NUP205: variants seen among roughly 807,000 people sequenced by gnomAD.
NUP205 encodes nuclear pore complex protein Nup205.
Under a neutral mutation model 253.8 loss-of-function variants are expected in NUP205, and 76 were observed. The observed-to-expected ratio is 0.30, with a 90% CI of 0.25 to 0.36. The LOEUF (loss-of-function observed/expected upper bound fraction) is 0.36. Ranked by LOEUF, NUP205 falls within the 10% of genes least tolerant of loss-of-function variation. The probability of loss-of-function intolerance (pLI) is 1.00; values close to 1 mark genes in which losing one functional copy is unlikely to be tolerated. For synonymous variants in NUP205, 832 were observed against 850.1 expected (o/e 0.98, Z 0.37); for missense variants, 2,162 against 2,425.5 (o/e 0.89, Z 2.28).
At chr7:135,573,524 G>A (rs1806058670) in intron 2 of NUP205, 130 bp from the exon 3 acceptor site, 3 of 593,192 alleles carry the variant, frequency 5.1e-6, no homozygotes, top group Admixed American at 3.5e-5. Flanking sequence ...TTCTAAATTA[G>A]CTGATAAGAA....
rs1806630211 is a variant in NUP205, at chr7:135,591,569, C to T, written c.1593C>T (p.Phe531=). ...GGCCTCAGTGTGCCCACTACTGTTT[C>T]AGCCTGCTCAAAGTCAATGGTAGTA... ...ANGPQCAHYC[F]SLLKVNGSSH... Residue 531 remains phenylalanine (F), a synonymous_variant, in exon 11 of 43, where the codon TTC becomes TTT. Transcript: ENST00000285968. 3 of 1,613,516 alleles carry T rather than the reference C, an allele frequency of 1.9e-6. No homozygotes were observed. The highest frequency in any genetic ancestry group is 2.5e-6 in the Non-Finnish European group (3 of 1,179,908).
chr7:135,593,408 A>G (rs1035389161), intron 12 of NUP205, among the ~76,000 whole-genome samples: 5 of 152,208 alleles, frequency 3.3e-5, no homozygotes, highest in Admixed American at 1.3e-4. Context: ...TATAAAAATA[A>G]TAGCCTGAGC....
intron 36 of NUP205, among the ~76,000 whole-genome samples, chr7:135,637,439 A>G (rs1794830282): frequency 6.6e-6 from 1 of 152,202 alleles, no homozygotes; most frequent in Non-Finnish European, 1.5e-5. Context: ...GGACATTTGC[A>G]TTTATCTTCC....
intron 35 of NUP205, among the ~76,000 whole-genome samples, chr7:135,630,747 C>T (rs546779714): frequency 4.6e-5 from 7 of 152,066 alleles, no homozygotes. Context: ...AACATAGAGA[C>T]ACCCTGTCTC....
chr7:135,597,951 T>C, intron 14 of NUP205, 47 bp from the exon 15 acceptor site: 1 of 1,449,290 alleles, frequency 6.9e-7, no homozygotes, highest in Non-Finnish European at 9.7e-7. Flanking sequence ...CTTCACTTCA[T>C]AGCTAATAGT....
At chr7:135,601,659 A>G (rs577567701) in intron 17 of NUP205, 152 bp downstream of exon 17, 26 of 814,922 alleles carry the variant, frequency 3.2e-5, no homozygotes, top group Non-Finnish European at 4.7e-5. Context: ...GAATCATTTA[A>G]ATGAGAGTAT....
At chr7:135,572,427 G>A (rs931239739) in intron 2 of NUP205, among the ~76,000 whole-genome samples, 6 of 152,134 alleles carry the variant, frequency 3.9e-5, no homozygotes, top group Admixed American at 3.9e-4. Context: ...TATGTAAGTT[G>A]TGTTAATGGA....
At chr7:135,566,237 T>C (rs991032350) in intron 1 of NUP205, among the ~76,000 whole-genome samples, 1 of 152,048 alleles carries the variant, frequency 6.6e-6, no homozygotes. Context: ...ACCCTCCTTG[T>C]AGTTGGATTT....
In NUP205 at chr7:135,583,044, C is replaced by T. The variant is rs557433344; in HGVS notation, c.1043-1788C>T. On this transcript the variant is annotated intron_variant, in intron 7 of 42. Transcript: ENST00000285968. ...GGCGGAGGTTGCAGTGAGTTGAGAT[C>T]GTGCCACTGCACTCCAGTCTCGGCG... Among the ~76,000 whole-genome samples, 4 of 152,142 alleles carry T rather than the reference C, an allele frequency of 2.6e-5. No individual in the cohort carries two copies. The South Asian group carries it at 6.2e-4, about 24-fold the overall frequency.
At chr7:135,645,202 A>G (rs1794983992) in intron 40 of NUP205, among the ~76,000 whole-genome samples, 184 bp downstream of exon 40, 1 of 152,222 alleles carries the variant, frequency 6.6e-6, no homozygotes, top group African/African-American at 2.4e-5. Context: ...AGCTGGTAAT[A>G]CTGATAAAAT....
In NUP205 at chr7:135,557,978, T is replaced by G; in HGVS notation, c.28+6T>G. ...GCCTTTGGCGGTAAATTCGGGTAAG[T>G]GTGGCCAGACAGAAAGACGATTGAG... On this transcript the variant is annotated splice_donor_region_variant and intron_variant, in intron 1 of 42. Transcript: ENST00000285968. 6.2e-7 allele frequency: 1 copy of G among 1,611,946 alleles called. No individual in the cohort carries two copies. The highest frequency in any genetic ancestry group is 1.1e-5 in the South Asian group (1 of 91,028).
rs1794795150 is a variant in NUP205, at chr7:135,635,613, G to A, written c.5092G>A (p.Glu1698Lys). The A allele has an allele frequency of 6.3e-7, 1 of 1,595,916 alleles. No individual in the cohort carries two copies. Among genetic ancestry groups the A allele is most frequent in the Non-Finnish European group, 8.6e-7 (1 of 1,165,590 alleles). The change falls in exon 36 of 43, where the codon GAA becomes AAA. Residue 1698 changes from glutamate (E) to lysine (K), a missense_variant. Transcript: ENST00000285968. Reference sequence around the variant, plus strand: ...AAGTGAACTTGACGTTGATGTAAATGAAGGGTCTCTAATGGAGCTACAGGG... The same window carrying A: ...AAGTGAACTTGACGTTGATGTAAATAAAGGGTCTCTAATGGAGCTACAGGG... ...ILSELDVDVN[E>K]GSLMELQGHI...
chr7:135,648,353 G>A (rs373022442), intron 42 of NUP205, 51 bp from the exon 43 acceptor site: 3 of 1,442,132 alleles, frequency 2.1e-6, no homozygotes, highest in Non-Finnish European at 2.8e-6. Flanking sequence ...TAGAATAAAA[G>A]AAATATTTGA....
At chr7:135,604,992 TTA>T (rs911916842) in intron 19 of NUP205, among the ~76,000 whole-genome samples, 1 of 152,234 alleles carries the variant, frequency 6.6e-6, no homozygotes, top group African/African-American at 2.4e-5. Flanking sequence ...TTTTTTTTCT[TTA>T]TGAACATTTC....
chr7:135,585,886 A>G (rs1302758711), intron 8 of NUP205, among the ~76,000 whole-genome samples: 2 of 152,202 alleles, frequency 1.3e-5, no homozygotes. Flanking sequence ...GGGCTTCAGC[A>G]TGGATACAGG....
intron 36 of NUP205, 81 bp from the exon 37 acceptor site, chr7:135,637,850 G>C: frequency 7.6e-7 from 1 of 1,315,520 alleles, no homozygotes; most frequent in Non-Finnish European, 1.0e-6. Context: ...ATTCTCCACT[G>C]AGTTTTTCTT....
intron 1 of NUP205, among the ~76,000 whole-genome samples, chr7:135,569,802 A>G (rs1805893014): frequency 6.6e-6 from 1 of 152,012 alleles, no homozygotes; most frequent in Admixed American, 6.6e-5. Flanking sequence ...ATGCTGTTTT[A>G]TAATAGCCAG....
intron 18 of NUP205, 32 bp downstream of exon 18, chr7:135,603,026 TAAACAGA>T: frequency 6.7e-7 from 1 of 1,501,338 alleles, no homozygotes; most frequent in Non-Finnish European, 9.2e-7. Context: ...AGAAATGAAG[TAAACAGA>T]TAGACATTCT....
chr7:135,585,114 C>A, intron 8 of NUP205, 107 bp downstream of exon 8: 1 of 945,072 alleles, frequency 1.1e-6, no homozygotes, highest in Non-Finnish European at 1.5e-6. Context: ...ATTTTTAATA[C>A]AGACTAAAAT....
Sources: gnomAD v4.1 joint callset for allele counts (sites outside exome capture counted in the v4.1 genomes callset) on GRCh38, gnomAD v4.1.1 for gene constraint, MANE v1.5 for transcripts, NCBI Gene and HGNC (gene_info 2026-07-23, HGNC 2026-07-21) for gene names.